ELMO1: variants seen among roughly 807,000 people sequenced by gnomAD.
ELMO1 encodes the protein engulfment and cell motility protein 1.
In ELMO1, 26 loss-of-function variants were observed where a neutral mutation model predicts 98.9. The observed-to-expected ratio is 0.26, with a 90% CI of 0.19 to 0.36. ELMO1 has a LOEUF of 0.36. ELMO1 is among the 10% of genes least tolerant of loss of function. The pLI is 1.00. For missense variants in ELMO1, 627 were observed against 935.2 expected (o/e 0.67, Z 4.30); for synonymous variants, 346 against 346.0 (o/e 1.00, Z 0.00).
chr7:36,907,486 C>A (rs1784047899), intron 16 of ELMO1, among the ~76,000 whole-genome samples: 1 of 152,148 alleles, frequency 6.6e-6, no homozygotes, highest in African/African-American at 2.4e-5. Flanking sequence ...TTAAAACAGC[C>A]CAGAGTGCCC....
chr7:37,290,278 T>C (rs1797607419), intron 4 of ELMO1, among the ~76,000 whole-genome samples: 3 of 152,084 alleles, frequency 2.0e-5, no homozygotes. Context: ...ATAACATACG[T>C]CAGAGAAACA....
intron 14 of ELMO1, among the ~76,000 whole-genome samples, chr7:37,107,939 G>GA (rs2129273322): frequency 6.6e-6 from 1 of 152,320 alleles, no homozygotes; most frequent in East Asian, 1.9e-4. Context: ...ATGGAAAGGT[G>GA]AGGAGAGAGA....
At chr7:37,082,772 C>A (rs898132027) in intron 15 of ELMO1, among the ~76,000 whole-genome samples, 3 of 152,132 alleles carry the variant, frequency 2.0e-5, no homozygotes, top group Non-Finnish European at 2.9e-5. Context: ...TTGCTTAATT[C>A]TCTGTCCAAA....
intron 6 of ELMO1, among the ~76,000 whole-genome samples, chr7:37,253,736 A>C (rs1274668745): frequency 2.0e-5 from 3 of 151,332 alleles, no homozygotes; most frequent in Non-Finnish European, 4.4e-5. Flanking sequence ...AAAAAAAAAA[A>C]CAAAAAGCCC....
intron 20 of ELMO1, 101 bp from the exon 21 acceptor site, chr7:36,861,837 T>C (rs1802656011): frequency 8.7e-7 from 1 of 1,143,436 alleles, no homozygotes; most frequent in Non-Finnish European, 1.3e-6. Context: ...GGCCAGCTTG[T>C]CTAGCCAAGC....
intron 16 of ELMO1, among the ~76,000 whole-genome samples, chr7:36,997,240 G>GA (rs1041138779): frequency 1.9e-4 from 29 of 152,112 alleles, no homozygotes; most frequent in African/African-American, 6.5e-4. Context: ...TTTAAGACCA[G>GA]AAAAAAAATT....
intron 20 of ELMO1, among the ~76,000 whole-genome samples, chr7:36,862,789 C>T (rs1265139412): frequency 6.6e-6 from 1 of 152,222 alleles, no homozygotes; most frequent in East Asian, 1.9e-4. Flanking sequence ...GATCTGTGAG[C>T]CACACTGCTC....
chr7:36,924,382 C>T (rs1256379749), intron 16 of ELMO1, among the ~76,000 whole-genome samples: 2 of 152,136 alleles, frequency 1.3e-5, no homozygotes, highest in African/African-American at 4.8e-5. Flanking sequence ...CGAGGGCCCT[C>T]CTGCTGGCAG....
intron 14 of ELMO1, among the ~76,000 whole-genome samples, chr7:37,119,341 T>C (rs1785836871): frequency 6.6e-6 from 1 of 152,192 alleles, no homozygotes; most frequent in Admixed American, 6.5e-5. Context: ...TTACAAATAA[T>C]GTATGTTAAG....
At chr7:37,041,762 G>C (rs150023383) in intron 15 of ELMO1, among the ~76,000 whole-genome samples, 2 of 152,154 alleles carry the variant, frequency 1.3e-5, no homozygotes, top group Non-Finnish European at 2.9e-5. Flanking sequence ...GAGTTAACGT[G>C]GCAGAAAAGC....
chr7:37,304,570 G>C (rs1465912400), intron 4 of ELMO1, among the ~76,000 whole-genome samples: 2 of 152,116 alleles, frequency 1.3e-5, no homozygotes, highest in Non-Finnish European at 2.9e-5. Context: ...ACAAAAATTA[G>C]CTGGGTGTGG....
At chr7:37,131,242 AATC>A (rs977885248) in intron 14 of ELMO1, among the ~76,000 whole-genome samples, 58 of 152,160 alleles carry the variant, frequency 3.8e-4, no homozygotes, top group African/African-American at 1.4e-3. Flanking sequence ...ACTTCTGAGA[AATC>A]AACAAAGTCA....
intron 13 of ELMO1, among the ~76,000 whole-genome samples, chr7:37,149,736 C>T (rs755900172): frequency 6.6e-6 from 1 of 152,140 alleles, no homozygotes; most frequent in Non-Finnish European, 1.5e-5. Flanking sequence ...GTGTTTGATC[C>T]TCCCAGCGAC....
intron 2 of ELMO1, among the ~76,000 whole-genome samples, chr7:37,332,548 C>A (rs1800191236): frequency 6.6e-6 from 1 of 152,222 alleles, no homozygotes; most frequent in Non-Finnish European, 1.5e-5. Context: ...ACTTACACTT[C>A]ATCTGGGATG....
intron 16 of ELMO1, among the ~76,000 whole-genome samples, chr7:36,980,112 A>T (rs963839093): frequency 7.2e-5 from 11 of 152,228 alleles, no homozygotes; most frequent in African/African-American, 2.7e-4. Flanking sequence ...TCCTTGTCAG[A>T]TGGCAACACC....
At chr7:37,261,218 G>C (rs1452151769) in intron 5 of ELMO1, among the ~76,000 whole-genome samples, 1 of 152,178 alleles carries the variant, frequency 6.6e-6, no homozygotes, top group Non-Finnish European at 1.5e-5. Context: ...CCAACAGGTA[G>C]GTCCTATCAT....
chr7:37,439,109 G>A (rs138305265), intron 1 of ELMO1, among the ~76,000 whole-genome samples: 12 of 152,266 alleles, frequency 7.9e-5, no homozygotes, highest in African/African-American at 2.4e-4. Context: ...GTATTTATTT[G>A]AGCAGGCCTA....
chr7:37,153,343 C>G (rs1242878297), intron 13 of ELMO1, among the ~76,000 whole-genome samples: 1 of 152,114 alleles, frequency 6.6e-6, no homozygotes, highest in Non-Finnish European at 1.5e-5. Flanking sequence ...ATCACCTCAC[C>G]CGGGAAGCAC....
intron 15 of ELMO1, among the ~76,000 whole-genome samples, chr7:37,036,891 ACTT>A (rs751425834): frequency 1.3e-5 from 2 of 152,198 alleles, no homozygotes; most frequent in African/African-American, 4.8e-5. Context: ...ATTCAAAAGA[ACTT>A]CTCAGCAAAT....
Sources: gnomAD v4.1 joint callset for allele counts (sites outside exome capture counted in the v4.1 genomes callset) on GRCh38, gnomAD v4.1.1 for gene constraint, MANE v1.5 for transcripts, NCBI Gene and HGNC (gene_info 2026-07-23, HGNC 2026-07-21) for gene names.